Variants in PRKN observed in about 807,000 individuals in gnomAD.
The protein encoded by PRKN is E3 ubiquitin-protein ligase parkin.
Under a neutral mutation model 59.5 loss-of-function variants are expected in PRKN, and 56 were observed. The ratio of observed to expected loss-of-function variants is 0.94; its 90% CI spans 0.76 to 1.18. PRKN has a LOEUF of 1.18. Among genes scored for constraint, PRKN ranks in the 50% most tolerant of loss-of-function variants. The pLI is 0.00. For synonymous variants in PRKN, 250 were observed against 222.1 expected (o/e 1.13, Z -1.12); for missense variants, 657 against 596.4 (o/e 1.10, Z -1.06).
chr6:161,680,765 ATATATATATAT>A (rs1373967624), intron 7 of PRKN, among the ~76,000 whole-genome samples: 12 of 10,888 alleles, frequency 1.1e-3, no homozygotes, highest in South Asian at 0.012. Context: ...ATATATATAT[ATATATATATAT>A]TTTTTTTTTT....
At chr6:161,668,569 C>T (rs1336624129) in intron 7 of PRKN, among the ~76,000 whole-genome samples, 1 of 152,014 alleles carries the variant, frequency 6.6e-6, no homozygotes, top group Non-Finnish European at 1.5e-5. Flanking sequence ...ACAAGAGGTC[C>T]CTAAGATATT....
At chr6:161,573,846 A>G (rs1268230430) in intron 7 of PRKN, among the ~76,000 whole-genome samples, 1 of 130,318 alleles carries the variant, frequency 7.7e-6, no homozygotes, top group Non-Finnish European at 1.6e-5. Flanking sequence ...TTTCTTTACA[A>G]GCGGTCTTTT....
intron 7 of PRKN, among the ~76,000 whole-genome samples, chr6:161,743,871 C>G (rs1788302592): frequency 6.6e-6 from 1 of 152,112 alleles, no homozygotes. Flanking sequence ...GGAGGCTTGC[C>G]CTATGGTCCC....
At chr6:162,630,138 C>A (rs906732732) in intron 1 of PRKN, among the ~76,000 whole-genome samples, 2 of 152,108 alleles carry the variant, frequency 1.3e-5, no homozygotes, top group East Asian at 1.9e-4. Flanking sequence ...CTTACTCTTA[C>A]GGTGCACACA....
At chr6:162,614,888 T>C (rs1353164759) in intron 1 of PRKN, among the ~76,000 whole-genome samples, 1 of 152,208 alleles carries the variant, frequency 6.6e-6, no homozygotes, top group African/African-American at 2.4e-5. Flanking sequence ...TGCTCCACAC[T>C]GTAAATAACA....
intron 5 of PRKN, among the ~76,000 whole-genome samples, chr6:162,036,729 C>T (rs543468533): frequency 1.3e-5 from 2 of 152,192 alleles, no homozygotes; most frequent in South Asian, 2.1e-4. Flanking sequence ...AATTAAATTA[C>T]TTACTGGTAA....
intron 4 of PRKN, among the ~76,000 whole-genome samples, chr6:162,128,677 C>G (rs1484700151): frequency 6.6e-6 from 1 of 152,150 alleles, no homozygotes; most frequent in African/African-American, 2.4e-5. Flanking sequence ...TATATGGAAA[C>G]CTAATCCCCA....
At chr6:161,888,355 C>T (rs997709013) in intron 6 of PRKN, among the ~76,000 whole-genome samples, 17 of 152,168 alleles carry the variant, frequency 1.1e-4, no homozygotes, top group African/African-American at 4.1e-4. Flanking sequence ...TTCTTACTTT[C>T]CAACACTTCT....
Position 162,674,679 on chromosome 6 carries a change from T to C in PRKN, c.7+52983A>G, listed in dbSNP as rs189873101. 3.9e-3 allele frequency among the ~76,000 whole-genome samples: 592 copies of C among 152,256 alleles called. 5 individuals are homozygous for C. The highest frequency in any genetic ancestry group is 6.6e-3 in the Non-Finnish European group (449 of 68,026). ...TAACAAGTAAGCAAAGGAGAGCCAG[T>C]TTGGGCTGATAATGACATCAGTGTT... On this transcript the variant is annotated intron_variant, in intron 1 of 11. Transcript: ENST00000366898.
intron 4 of PRKN, among the ~76,000 whole-genome samples, chr6:162,077,073 G>T (rs1368133737): frequency 6.6e-6 from 1 of 152,014 alleles, no homozygotes; most frequent in Non-Finnish European, 1.5e-5. Flanking sequence ...CTGCAAACCC[G>T]TGCTCAGATT....
At chr6:161,932,819 T>A (rs1779215695) in intron 6 of PRKN, among the ~76,000 whole-genome samples, 1 of 152,090 alleles carries the variant, frequency 6.6e-6, no homozygotes, top group South Asian at 2.1e-4. Context: ...AAAACATATT[T>A]ATGCTTTTTT....
At chr6:162,506,057 G>A (rs991767321) in intron 1 of PRKN, among the ~76,000 whole-genome samples, 4 of 152,054 alleles carry the variant, frequency 2.6e-5, no homozygotes, top group East Asian at 1.9e-4. Flanking sequence ...CCTCCATTTG[G>A]TGCTGGGAGT....
chr6:161,747,995 C>T (rs1027106055), intron 7 of PRKN, among the ~76,000 whole-genome samples: 1 of 152,128 alleles, frequency 6.6e-6, no homozygotes, highest in African/African-American at 2.4e-5. Context: ...TTGCTCTTGT[C>T]TTTCGGTGGC....
intron 7 of PRKN, among the ~76,000 whole-genome samples, chr6:161,616,133 A>C (rs1381914574): frequency 1.3e-5 from 2 of 150,586 alleles, no homozygotes; most frequent in East Asian, 2.0e-4. Context: ...ACTTGCCTGA[A>C]CTCCCTGTCC....
At chr6:161,384,274 T>G (rs111518732) in intron 10 of PRKN, among the ~76,000 whole-genome samples, 1 of 152,172 alleles carries the variant, frequency 6.6e-6, no homozygotes, top group Non-Finnish European at 1.5e-5. Context: ...TAATGTCTCA[T>G]GGGGCGCAGT....
At chr6:161,971,644 C>G (rs1002079851) in intron 6 of PRKN, among the ~76,000 whole-genome samples, 2 of 152,206 alleles carry the variant, frequency 1.3e-5, no homozygotes, top group African/African-American at 4.8e-5. Context: ...ACAGCAGTGA[C>G]TAAACATGCA....
In PRKN at chr6:161,432,532, ATTTTTTTTTT is replaced by A. The variant is rs767620173; in HGVS notation, c.1084-45665_1084-45656del. Among the ~76,000 whole-genome samples, 5 of 125,494 alleles carry A rather than the reference ATTTTTTTTTT, an allele frequency of 4.0e-5. No homozygotes were observed. The South Asian group carries it at 7.6e-4, about 19-fold the overall frequency. 82.3% of individuals were successfully genotyped at this position (125,494 alleles called of 152,430 possible). On this transcript the variant is annotated intron_variant, in intron 9 of 11. Transcript: ENST00000366898. ...CGCCCGCCATCACCATGCCCAGCTAATTTTTTTTTTTTTTTTTTTTTGTATTTTTAGTAGA... is the reference window on the plus strand; with the variant it reads ...CGCCCGCCATCACCATGCCCAGCTAATTTTTTTTTTTGTATTTTTAGTAGA...
At chr6:162,358,622 A>G (rs908290519) in intron 2 of PRKN, among the ~76,000 whole-genome samples, 2 of 152,186 alleles carry the variant, frequency 1.3e-5, no homozygotes, top group South Asian at 2.1e-4. Context: ...TAGTTCTAGT[A>G]GATAACTATT....
chr6:162,488,027 C>CTTTTTTTGTTTTT (rs1562323928), intron 1 of PRKN, among the ~76,000 whole-genome samples: 1 of 109,772 alleles, frequency 9.1e-6, no homozygotes. Flanking sequence ...CACCATTTCC[C>CTTTTTTTGTTTTT]TTTTTTTTTT....
Sources: allele counts gnomAD v4.1 joint callset (sites outside exome capture counted in the v4.1 genomes callset), GRCh38; gene constraint gnomAD v4.1.1; transcripts MANE v1.5; gene names NCBI Gene and HGNC (gene_info 2026-07-23, HGNC 2026-07-21).